The following SAMD3 variants were observed in gnomAD, a reference collection of about 807,000 sequenced individuals.
SAMD3 encodes the protein sterile alpha motif domain-containing protein 3.
Under a neutral mutation model 58.5 loss-of-function variants are expected in SAMD3, and 63 were observed. The ratio of observed to expected loss-of-function variants is 1.08; its 90% CI spans 0.88 to 1.33. SAMD3 has a LOEUF of 1.33. SAMD3 is among the 40% of genes most tolerant of loss of function. SAMD3 has a pLI of 0.00. For synonymous variants in SAMD3, 220 were observed against 210.3 expected (o/e 1.05, Z -0.40); for missense variants, 604 against 608.4 (o/e 0.99, Z 0.08).
intron 8 of SAMD3, among the ~76,000 whole-genome samples, chr6:130,171,919 T>C (rs770098758): frequency 2.6e-5 from 4 of 152,236 alleles, no homozygotes; most frequent in Non-Finnish European, 5.9e-5. Flanking sequence ...ATATTTAGCA[T>C]AGTTAGCTCT....
At chr6:130,335,182 T>C (rs1777062812) in intron 1 of SAMD3, among the ~76,000 whole-genome samples, 1 of 152,100 alleles carries the variant, frequency 6.6e-6, no homozygotes, top group Admixed American at 6.6e-5. Context: ...CCAGGGTGAA[T>C]GGAAATACAG....
At position 130,214,516 on chromosome 6, in the gene SAMD3, T is replaced by G. The variant is rs138893486; in HGVS notation, c.90A>C (p.Val30=). The G allele has an allele frequency of 2.3e-5, 37 of 1,582,630 alleles. No homozygotes were observed. In the African/African-American group the frequency reaches 4.8e-4, roughly 20 times the overall value. The change falls in exon 4 of 12, where the codon GTA becomes GTC. Residue 30 remains valine, a synonymous_variant. Transcript: ENST00000439090. Reference sequence around the variant, plus strand: ...TAAGTGCAAGAAGAGCGGCCCCACTTACTTCTTCCTCTGGGAAAAAGAAAA... The same window carrying G: ...TAAGTGCAAGAAGAGCGGCCCCACTGACTTCTTCCTCTGGGAAAAAGAAAA... ...ELVHRFQEEE[V]SGAALLALND...
chr6:130,344,379 C>A (rs1323355016), intron 1 of SAMD3, among the ~76,000 whole-genome samples: 1 of 152,090 alleles, frequency 6.6e-6, no homozygotes, highest in Non-Finnish European at 1.5e-5. Flanking sequence ...TTCTGACCTT[C>A]CCTGGCTTCT....
intron 2 of SAMD3, among the ~76,000 whole-genome samples, chr6:130,256,097 A>G (rs1773919405): frequency 6.7e-6 from 1 of 150,296 alleles, no homozygotes. Context: ...TTTATCTAGT[A>G]TAGACTTTTG....
chr6:130,289,959 C>G (rs1165128655), intron 2 of SAMD3, among the ~76,000 whole-genome samples: 1 of 139,880 alleles, frequency 7.1e-6, no homozygotes, highest in South Asian at 2.4e-4. Flanking sequence ...GACTTTATCA[C>G]GTACTAGAGC....
intron 2 of SAMD3, among the ~76,000 whole-genome samples, chr6:130,273,130 G>A (rs1774627524): frequency 6.6e-6 from 1 of 151,018 alleles, no homozygotes; most frequent in Admixed American, 6.6e-5. Context: ...TATTATTATT[G>A]TATTTTTGCT....
intron 2 of SAMD3, among the ~76,000 whole-genome samples, chr6:130,310,068 A>C (rs1258176505): frequency 6.6e-6 from 1 of 152,240 alleles, no homozygotes; most frequent in Non-Finnish European, 1.5e-5. Context: ...CTGCAGATGC[A>C]TAGAAAAATA....
intron 1 of SAMD3, among the ~76,000 whole-genome samples, chr6:130,350,391 A>C (rs1225610324): frequency 1.3e-5 from 2 of 152,168 alleles, no homozygotes; most frequent in Admixed American, 1.3e-4. Flanking sequence ...ATACAAAATC[A>C]ATGTGCAAAA....
chr6:130,175,879 C>A lies in SAMD3; in HGVS notation c.784G>T (p.Asp262Tyr). 1.2e-6 allele frequency: 2 copies of A among 1,612,986 alleles called. No individual in the cohort carries two copies. Among genetic ancestry groups the A allele is most frequent in the Non-Finnish European group, 1.7e-6 (2 of 1,179,280 alleles). Reference protein sequence around the residue: ...RRGQTRKSLADIRFDEIKLVQ... With the variant: ...RRGQTRKSLAYIRFDEIKLVQ... ...AGTTTAATTTCATCAAATCTTATAT[C>A]AGCAAGAGATTTCCTTGTCTGGCCT... The change falls in exon 8 of 12, where the codon GAT becomes TAT. Residue 262 changes from aspartate to tyrosine, a missense_variant. Transcript: ENST00000439090.
rs758688239 is a variant in SAMD3 at position 130,154,881 on chromosome 6, G to A, written c.967C>T (p.Arg323Ter). ...TTAAGAATGTCCTTCAGAGGTGTTC[G>A]GCTGCCAATCATCTTTCTTCTTATT... is the stretch of plus-strand genomic sequence containing the variant. The part of the protein sequence containing the change: ...LEIRRKMIGS[R>*]TPLKDILKLF... The change falls in exon 9 of 12, where the codon CGA becomes TGA. Residue 323 changes from arginine to a stop codon, truncating the protein, a stop_gained. Transcript: ENST00000439090. LOFTEE classifies it high-confidence loss of function. 15 of 1,613,054 alleles carry A rather than the reference G, an allele frequency of 9.3e-6. No homozygotes were observed. The highest frequency in any genetic ancestry group is 6.7e-5 in the African/African-American group (5 of 74,706).
At chr6:130,268,021 T>C (rs910619084) in intron 2 of SAMD3, among the ~76,000 whole-genome samples, 4 of 152,158 alleles carry the variant, frequency 2.6e-5, no homozygotes, top group African/African-American at 9.7e-5. Flanking sequence ...ATTCCTATCA[T>C]GTAGTGACAT....
intron 2 of SAMD3, among the ~76,000 whole-genome samples, chr6:130,243,472 A>G (rs1254619660): frequency 6.6e-6 from 1 of 152,228 alleles, no homozygotes; most frequent in African/African-American, 2.4e-5. Context: ...AAAGTACCAG[A>G]TGCTGTGTAT....
In SAMD3 at chr6:130,194,953, C is replaced by T. The variant is rs956661665; in HGVS notation, c.384-10330G>A. On this transcript the variant is annotated intron_variant, in intron 5 of 11. Transcript: ENST00000439090. Reference sequence around the variant, plus strand: ...CTGCACATTACCTTCTTTTCAAGGGCCTGTTTCCCTTGCCTCCATAACTGT... The same window carrying T: ...CTGCACATTACCTTCTTTTCAAGGGTCTGTTTCCCTTGCCTCCATAACTGT... Among the ~76,000 whole-genome samples, 9 of 152,108 alleles carry T rather than the reference C, an allele frequency of 5.9e-5. No individual in the cohort carries two copies. The East Asian group carries it at 1.2e-3, about 20-fold the overall frequency.
intron 2 of SAMD3, among the ~76,000 whole-genome samples, chr6:130,241,805 C>A (rs1773367535): frequency 6.6e-6 from 1 of 151,800 alleles, no homozygotes; most frequent in Admixed American, 6.6e-5. Context: ...ATTTTATTTT[C>A]TTTTTTTAAT....
intron 1 of SAMD3, among the ~76,000 whole-genome samples, chr6:130,351,979 C>G (rs150194638): frequency 0.019 from 2,773 of 148,798 alleles, 23 homozygotes; most frequent in Non-Finnish European, 0.027. Context: ...AACCAAACAC[C>G]GCATTTTCTC....
At chr6:130,205,154 TAAA>T (rs10680576) in intron 5 of SAMD3, among the ~76,000 whole-genome samples, 4 of 138,188 alleles carry the variant, frequency 2.9e-5, no homozygotes, top group Non-Finnish European at 3.1e-5. Flanking sequence ...TTTGGCTCTG[TAAA>T]AAAAAAAAAA....
At chr6:130,211,574 A>G (rs1477283034) in intron 4 of SAMD3, among the ~76,000 whole-genome samples, 3 of 151,988 alleles carry the variant, frequency 2.0e-5, no homozygotes, top group Non-Finnish European at 2.9e-5. Context: ...ATAACCCACC[A>G]CGCCGAGCTG....
intron 5 of SAMD3, among the ~76,000 whole-genome samples, chr6:130,189,708 A>T (rs1793355038): frequency 6.6e-6 from 1 of 152,240 alleles, no homozygotes; most frequent in African/African-American, 2.4e-5. Flanking sequence ...GTAGTCTCCT[A>T]GCAGAGTTCT....
chr6:130,161,536 CTGAAG>C (rs1320005337), intron 8 of SAMD3: 8 of 152,126 alleles, frequency 5.3e-5, no homozygotes, highest in African/African-American at 1.9e-4. Context: ...GTATTCTAGA[CTGAAG>C]TGATTTTCCT....
Sources: gnomAD v4.1 joint callset for allele counts (sites outside exome capture counted in the v4.1 genomes callset) on GRCh38, gnomAD v4.1.1 for gene constraint, MANE v1.5 for transcripts, NCBI Gene and HGNC (gene_info 2026-07-23, HGNC 2026-07-21) for gene names.